The following TRAPPC9 variants were observed in gnomAD, a reference collection of about 807,000 sequenced individuals.
The protein encoded by TRAPPC9 is trafficking protein particle complex subunit 9.
TRAPPC9 carries 83 observed loss-of-function variants against 124.0 expected under a neutral mutation model. That is an observed-to-expected ratio of 0.67 (90% CI 0.56 to 0.80). The LOEUF is 0.80. Among genes scored for constraint, TRAPPC9 ranks in the 30% least tolerant of loss-of-function variants. TRAPPC9 has a pLI of 0.00. For missense variants in TRAPPC9, 1,302 were observed against 1,508.3 expected (o/e 0.86, Z 2.27); for synonymous variants, 638 against 617.5 (o/e 1.03, Z -0.49).
intron 21 of TRAPPC9, among the ~76,000 whole-genome samples, chr8:139,810,793 C>T (rs1315554309): frequency 6.6e-6 from 1 of 152,138 alleles, no homozygotes; most frequent in Non-Finnish European, 1.5e-5. Context: ...ACTCCAGGAT[C>T]TCCTCTGGCC....
chr8:140,036,307 T>C (rs1028906497), intron 17 of TRAPPC9, among the ~76,000 whole-genome samples: 1 of 150,026 alleles, frequency 6.7e-6, no homozygotes, highest in Admixed American at 6.6e-5. Flanking sequence ...AGCTAGCAGA[T>C]GAAGTCACTG....
intron 21 of TRAPPC9, among the ~76,000 whole-genome samples, chr8:139,773,655 G>C (rs1419982012): frequency 6.6e-6 from 1 of 152,086 alleles, no homozygotes; most frequent in African/African-American, 2.4e-5. Flanking sequence ...CCAGGCATCT[G>C]CCACCTGCCT....
intron 17 of TRAPPC9, among the ~76,000 whole-genome samples, chr8:140,106,168 C>T (rs891650181): frequency 3.3e-4 from 50 of 152,250 alleles, no homozygotes; most frequent in Non-Finnish European, 3.8e-4. Flanking sequence ...GGACGAAAGC[C>T]TCTCCGCCTG....
chr8:139,837,803 T>C (rs1408040588), intron 21 of TRAPPC9, among the ~76,000 whole-genome samples: 3 of 149,352 alleles, frequency 2.0e-5, no homozygotes, highest in East Asian at 4.0e-4. Context: ...CGCTTCTCAC[T>C]TGCCACCGAG....
intron 17 of TRAPPC9, among the ~76,000 whole-genome samples, chr8:140,055,152 A>G (rs1842225563): frequency 6.6e-6 from 1 of 152,194 alleles, no homozygotes; most frequent in Admixed American, 6.5e-5. Flanking sequence ...AAAATATAGA[A>G]AATCAAATTC....
At chr8:139,949,349 A>G (rs1834484550) in intron 19 of TRAPPC9, among the ~76,000 whole-genome samples, 1 of 152,190 alleles carries the variant, frequency 6.6e-6, no homozygotes, top group Non-Finnish European at 1.5e-5. Flanking sequence ...AAAAACAGAA[A>G]ACATTAAACG....
intron 21 of TRAPPC9, among the ~76,000 whole-genome samples, chr8:139,746,342 G>C (rs895685436): frequency 5.3e-5 from 8 of 152,198 alleles, no homozygotes; most frequent in African/African-American, 1.9e-4. Flanking sequence ...CAGACCAAGG[G>C]GACTTAGAGG....
intron 9 of TRAPPC9, among the ~76,000 whole-genome samples, chr8:140,349,104 G>C (rs1310726545): frequency 5.1e-5 from 6 of 117,840 alleles, no homozygotes; most frequent in African/African-American, 1.3e-4. Context: ...AAGGGCAAGC[G>C]GGGGGGCTGA....
chr8:139,972,425 G>C (rs546167600), intron 19 of TRAPPC9, among the ~76,000 whole-genome samples: 1 of 152,266 alleles, frequency 6.6e-6, no homozygotes, highest in Non-Finnish European at 1.5e-5. Context: ...CGTATTTTAG[G>C]AGGCTCTACC....
intron 17 of TRAPPC9, among the ~76,000 whole-genome samples, chr8:140,025,677 A>G (rs936551118): frequency 2.0e-5 from 3 of 152,184 alleles, no homozygotes; most frequent in African/African-American, 7.2e-5. Flanking sequence ...AGATTTGATG[A>G]GGAAATATAG....
intron 17 of TRAPPC9, among the ~76,000 whole-genome samples, chr8:140,070,586 C>T (rs1843109195): frequency 6.6e-6 from 1 of 152,138 alleles, no homozygotes; most frequent in Admixed American, 6.5e-5. Flanking sequence ...CATAATTAGA[C>T]AAGGAGCTCC....
chr8:139,940,143 T>A (rs1472764448), intron 19 of TRAPPC9, among the ~76,000 whole-genome samples: 1 of 152,198 alleles, frequency 6.6e-6, no homozygotes, highest in Admixed American at 6.5e-5. Context: ...CTCACCCCTG[T>A]CTTACAGGAT....
intron 15 of TRAPPC9, among the ~76,000 whole-genome samples, chr8:140,271,826 C>G (rs1297616272): frequency 1.3e-5 from 2 of 152,208 alleles, no homozygotes; most frequent in Non-Finnish European, 2.9e-5. Context: ...AGAGAAGTGG[C>G]TAGACATCTG....
chr8:140,429,047 C>T (rs1288352682), intron 4 of TRAPPC9, among the ~76,000 whole-genome samples: 3 of 151,576 alleles, frequency 2.0e-5, no homozygotes, highest in African/African-American at 7.3e-5. Flanking sequence ...AGCCCGACTG[C>T]CAGGGGTTTT....
chr8:139,926,245 C>T (rs1449921227), intron 19 of TRAPPC9, among the ~76,000 whole-genome samples: 1 of 152,166 alleles, frequency 6.6e-6, no homozygotes, highest in Non-Finnish European at 1.5e-5. Flanking sequence ...TAGGGCCAGG[C>T]AGAACTTAAG....
intron 2 of TRAPPC9, among the ~76,000 whole-genome samples, chr8:140,444,895 G>C (rs2071186759): frequency 1.4e-5 from 2 of 138,008 alleles, no homozygotes; most frequent in African/African-American, 5.4e-5. Flanking sequence ...GATCTGGGCT[G>C]TCCTCCAGTC....
chr8:139,838,209 T>G (rs553493284), intron 21 of TRAPPC9, among the ~76,000 whole-genome samples: 3 of 152,250 alleles, frequency 2.0e-5, no homozygotes, highest in South Asian at 4.2e-4. Flanking sequence ...ATCCTGCAGG[T>G]CTCAGCTGAA....
At chr8:140,278,839 C>A (rs1026547300) in intron 14 of TRAPPC9, among the ~76,000 whole-genome samples, 1 of 152,248 alleles carries the variant, frequency 6.6e-6, no homozygotes, top group South Asian at 2.1e-4. Flanking sequence ...TGCTCCTCTG[C>A]GCGTCTCCTC....
intron 14 of TRAPPC9, among the ~76,000 whole-genome samples, chr8:140,279,160 A>C (rs1266884748): frequency 6.6e-6 from 1 of 152,222 alleles, no homozygotes; most frequent in Non-Finnish European, 1.5e-5. Context: ...CCCCAAAGAC[A>C]GGGTCAACCT....
Sources: gnomAD v4.1 joint callset for allele counts (sites outside exome capture counted in the v4.1 genomes callset) on GRCh38, gnomAD v4.1.1 for gene constraint, MANE v1.5 for transcripts, NCBI Gene and HGNC (gene_info 2026-07-23, HGNC 2026-07-21) for gene names.